The following SAMMSON variants were observed in gnomAD, a reference collection of about 807,000 sequenced individuals.
SAMMSON encodes survival associated mitochondrial melanoma specific oncogenic non-coding RNA, also known as long intergenic non-protein coding RNA 1212.
intron 2 of SAMMSON, among the ~76,000 whole-genome samples, chr3:70,432,699 C>G (rs1190759233): frequency 2.0e-5 from 3 of 151,948 alleles, no homozygotes; most frequent in African/African-American, 7.2e-5. Flanking sequence ...AGGGTTCATT[C>G]TTTGCACTGT....
downstream of SAMMSON, among the ~76,000 whole-genome samples, chr3:70,390,616 A>G (rs1298205859): frequency 6.6e-6 from 1 of 152,018 alleles, no homozygotes; most frequent in Non-Finnish European, 1.5e-5. Flanking sequence ...GTGAGAACTC[A>G]TTCAGTATCA....
intron 4 of SAMMSON, among the ~76,000 whole-genome samples, chr3:70,152,098 G>A (rs1293444683): frequency 6.6e-6 from 1 of 151,776 alleles, no homozygotes; most frequent in Admixed American, 6.6e-5. Flanking sequence ...TTTTATGCAG[G>A]TTAGAGTAAA....
intron 7 of SAMMSON, among the ~76,000 whole-genome samples, chr3:70,340,600 T>C (rs1182541518): frequency 6.6e-6 from 1 of 152,054 alleles, no homozygotes. Context: ...GTGTGTTAGG[T>C]ATATGGTGCT....
At chr3:70,051,260 T>A (rs908859214) in intron 3 of SAMMSON, among the ~76,000 whole-genome samples, 5 of 150,678 alleles carry the variant, frequency 3.3e-5, no homozygotes, top group African/African-American at 7.3e-5. Context: ...GGAGGACAAC[T>A]TGATAATATG....
intron 2 of SAMMSON, among the ~76,000 whole-genome samples, chr3:70,426,338 G>A (rs1701368416): frequency 6.6e-6 from 1 of 152,148 alleles, no homozygotes; most frequent in South Asian, 2.1e-4. Flanking sequence ...AGAAACAATA[G>A]TATATTGCAA....
intron 3 of SAMMSON, among the ~76,000 whole-genome samples, chr3:70,055,361 C>T (rs2067163104): frequency 6.6e-6 from 1 of 152,162 alleles, no homozygotes; most frequent in African/African-American, 2.4e-5. Context: ...TTTGTCTATA[C>T]ACATCCCAAT....
chr3:70,332,396 T>TA (rs1451590518), intron 7 of SAMMSON, among the ~76,000 whole-genome samples: 1 of 152,152 alleles, frequency 6.6e-6, no homozygotes, highest in African/African-American at 2.4e-5. Flanking sequence ...GACTCCAAGA[T>TA]ACCTCCCTCC....
chr3:70,240,609 G>A (rs1001140909), intron 4 of SAMMSON, among the ~76,000 whole-genome samples: 5 of 152,066 alleles, frequency 3.3e-5, no homozygotes, highest in African/African-American at 1.2e-4. Context: ...AAGAAAGTGT[G>A]AATTCTTTCA....
rs2067027715 is a variant in SAMMSON, at chr3:70,024,138, G to T, written n.417+10466G>T. Among the ~76,000 whole-genome samples the T allele has an allele frequency of 2.0e-5, 3 of 152,238 alleles. No homozygotes were observed. In the South Asian group the frequency reaches 6.2e-4, roughly 32 times the overall value. On this transcript the variant is annotated intron_variant and non_coding_transcript_variant, in intron 3 of 9. Transcript: ENST00000642114. The stretch of plus-strand genomic sequence containing the variant: ...TCTGTCTGTCTCATTTCCTCAGTTA[G>T]ATTGGCAGTTCTTTGACCCAAAGAA...
intron 6 of SAMMSON, chr3:70,272,086 A>G (rs1701981144): frequency 6.6e-6 from 1 of 152,214 alleles, no homozygotes. Context: ...TTTTAAGGAA[A>G]TAACAACAAT....
intron 4 of SAMMSON, among the ~76,000 whole-genome samples, chr3:70,158,681 A>C (rs973049515): frequency 2.0e-5 from 3 of 152,044 alleles, no homozygotes; most frequent in African/African-American, 7.2e-5. Context: ...AGAATCAAGA[A>C]AAACATTGCT....
intron 2 of SAMMSON, among the ~76,000 whole-genome samples, chr3:70,405,829 C>T (rs1444900501): frequency 6.6e-5 from 10 of 151,980 alleles, no homozygotes; most frequent in Non-Finnish European, 1.5e-4. Context: ...ACTATAAGCC[C>T]ACAAAGCAGG....
chr3:70,230,974 T>G (rs1374682102), intron 4 of SAMMSON, among the ~76,000 whole-genome samples: 1 of 152,230 alleles, frequency 6.6e-6, no homozygotes, highest in African/African-American at 2.4e-5. Context: ...AGTGATTCCC[T>G]GCTCCAGGAT....
At chr3:70,196,973 C>A (rs777472373) in intron 4 of SAMMSON, 1 of 398,418 alleles carries the variant, frequency 2.5e-6, no homozygotes, top group African/African-American at 2.1e-5. Flanking sequence ...TCCAGACACT[C>A]GCTGGTCTCA....
chr3:70,241,674 T>C (rs767979565), intron 4 of SAMMSON, among the ~76,000 whole-genome samples: 9 of 152,174 alleles, frequency 5.9e-5, no homozygotes, highest in Non-Finnish European at 1.3e-4. Flanking sequence ...TTTAACCAAA[T>C]AGGGCCAGAG....
intron 9 of SAMMSON, among the ~76,000 whole-genome samples, chr3:70,369,607 T>A (rs901660336): frequency 6.6e-6 from 1 of 151,676 alleles, no homozygotes; most frequent in Non-Finnish European, 1.5e-5. Flanking sequence ...GCACTGTTCC[T>A]GATCTTAGGG....
At chr3:70,316,590 C>A (rs1267872041) in intron 7 of SAMMSON, among the ~76,000 whole-genome samples, 1 of 151,986 alleles carries the variant, frequency 6.6e-6, no homozygotes, top group African/African-American at 2.4e-5. Flanking sequence ...TCAAATATTG[C>A]ACATTAAAAG....
intron 3 of SAMMSON, among the ~76,000 whole-genome samples, chr3:70,041,956 AG>A (rs1418597003): frequency 6.6e-6 from 1 of 152,106 alleles, no homozygotes; most frequent in East Asian, 1.9e-4. Flanking sequence ...AGCAATCTAC[AG>A]GTTTTGACCC....
At chr3:70,182,879 C>T (rs1701064772) in intron 4 of SAMMSON, among the ~76,000 whole-genome samples, 1 of 148,498 alleles carries the variant, frequency 6.7e-6, no homozygotes, top group South Asian at 2.1e-4. Flanking sequence ...GCTTATGGCT[C>T]ATAATTTCAA....
Sources: gnomAD v4.1 joint callset for allele counts (sites outside exome capture counted in the v4.1 genomes callset) on GRCh38, gnomAD v4.1.1 for gene constraint, MANE v1.5 for transcripts, NCBI Gene and HGNC (gene_info 2026-07-23, HGNC 2026-07-21) for gene names.